The following METAP1 variants were observed in gnomAD, a reference collection of about 807,000 sequenced individuals.
METAP1 encodes the protein methionyl aminopeptidase 1, also known as methionine aminopeptidase 1.
Under a neutral mutation model 53.8 loss-of-function variants are expected in METAP1, and 28 were observed. That is an observed-to-expected ratio of 0.52 (90% CI 0.39 to 0.71). The LOEUF (loss-of-function observed/expected upper bound fraction) is 0.71, where lower values mean the gene tolerates loss of function less well. Ranked by LOEUF, METAP1 falls within the 30% of genes least tolerant of loss-of-function variation. The probability of loss-of-function intolerance (pLI) is 0.00; values close to 1 mark genes in which losing one functional copy is unlikely to be tolerated. For missense variants in METAP1, 389 were observed against 479.8 expected, an observed-to-expected ratio of 0.81 and a Z score of 1.77; for synonymous variants, 181 against 165.7, an observed-to-expected ratio of 1.09 and a Z score of -0.71.
At chr4:99,024,552 G>A (rs868777534) in intron 1 of METAP1, among the ~76,000 whole-genome samples, 6 of 152,150 alleles carry the variant, frequency 3.9e-5, no homozygotes, top group African/African-American at 1.4e-4. Context: ...GGGGCCACAA[G>A]ACCACATGAG....
At chr4:99,002,084 G>A (rs958719086) in intron 1 of METAP1, among the ~76,000 whole-genome samples, 1 of 152,206 alleles carries the variant, frequency 6.6e-6, no homozygotes, top group Non-Finnish European at 1.5e-5. Context: ...TCAAGTTTTA[G>A]TCATGGTTTT....
chr4:99,048,630 A>G (rs1051075359), intron 8 of METAP1, 103 bp from the exon 9 acceptor site: 1 of 1,278,086 alleles, frequency 7.8e-7, no homozygotes, highest in African/African-American at 1.5e-5. Flanking sequence ...TTGACCTCTC[A>G]AAGTGCTGGG....
At chr4:99,053,224 T>C (rs1374691406) in intron 9 of METAP1, among the ~76,000 whole-genome samples, 2 of 152,178 alleles carry the variant, frequency 1.3e-5, no homozygotes, top group African/African-American at 2.4e-5. Context: ...TTTCCTCCCA[T>C]GAATCACAAT....
At position 99,061,981 on chromosome 4, in the gene METAP1, TAA is replaced by T. The variant is rs1238732973; in HGVS notation, c.*667_*668del. The T allele has an allele frequency of 1.3e-5, 2 of 152,224 alleles. No homozygotes were observed. The highest frequency in any genetic ancestry group is 2.9e-5 in the Non-Finnish European group (2 of 68,040). The allele number at this position is 152,224 out of a possible 1,614,324, so 9.4% of individuals were successfully genotyped here. On this transcript the variant is annotated 3_prime_UTR_variant, in exon 11 of 11. Coordinates refer to ENST00000296411, the MANE Select transcript of METAP1 (RefSeq NM_015143.3). ...TCTGTGTGTCAGTGAATGAATGTAG[TAA>T]AATTCACTTTGGAAGGTTATCAGGC...
chr4:99,034,142 G>A (rs1725262528), intron 2 of METAP1, 88 bp from the exon 3 acceptor site: 1 of 787,248 alleles, frequency 1.3e-6, no homozygotes, highest in Non-Finnish European at 2.1e-6. Context: ...GATATTCAAA[G>A]TATGCTGCTG....
At chr4:99,031,686 C>T in intron 2 of METAP1, 1 of 907,440 alleles carries the variant, frequency 1.1e-6, no homozygotes, top group Non-Finnish European at 1.6e-6. Context: ...AACTAATAAT[C>T]ATCTCTGGAA....
intron 9 of METAP1, among the ~76,000 whole-genome samples, chr4:99,056,238 G>A (rs949305520): frequency 6.6e-6 from 1 of 152,198 alleles, no homozygotes; most frequent in Non-Finnish European, 1.5e-5. Context: ...CTGGTGGTCA[G>A]GTTGGGCATT....
At chr4:99,049,136 G>A (rs898574355) in intron 9 of METAP1, among the ~76,000 whole-genome samples, 4 of 152,170 alleles carry the variant, frequency 2.6e-5, no homozygotes, top group African/African-American at 9.7e-5. Context: ...TTGACCTATG[G>A]CTTTCAAAGT....
chr4:99,036,963 A>G (rs1231943643), intron 4 of METAP1, among the ~76,000 whole-genome samples: 1 of 151,990 alleles, frequency 6.6e-6, no homozygotes, highest in Non-Finnish European at 1.5e-5. Context: ...CTTTTCTGCT[A>G]TATTTTTCGC....
chr4:99,039,556 A>G, intron 5 of METAP1, 91 bp downstream of exon 5: 2 of 756,922 alleles, frequency 2.6e-6, no homozygotes, highest in Non-Finnish European at 4.4e-6. Context: ...AAGATAGCAA[A>G]TGTTATATTG....
intron 9 of METAP1, among the ~76,000 whole-genome samples, chr4:99,055,358 T>G (rs1727026490): frequency 7.0e-6 from 1 of 143,266 alleles, no homozygotes; most frequent in Non-Finnish European, 1.5e-5. Context: ...GCCACTGCAC[T>G]CCAGCCTGGA....
At chr4:98,997,626 A>G (rs1411493197) in intron 1 of METAP1, among the ~76,000 whole-genome samples, 1 of 152,238 alleles carries the variant, frequency 6.6e-6, no homozygotes, top group Non-Finnish European at 1.5e-5. Context: ...TTAAAAAGGT[A>G]GTGTGAAACC....
intron 1 of METAP1, chr4:99,023,925 T>C (rs974189684): frequency 5.5e-6 from 2 of 360,832 alleles, no homozygotes; most frequent in Non-Finnish European, 7.7e-6. Context: ...GTTTTATTAC[T>C]CAAATCAGTC....
chr4:99,004,760 A>T (rs1023401942), intron 1 of METAP1, among the ~76,000 whole-genome samples: 1 of 152,200 alleles, frequency 6.6e-6, no homozygotes, highest in Non-Finnish European at 1.5e-5. Flanking sequence ...TTTTTTTACC[A>T]ACAAAATGAT....
At chr4:99,030,460 CTT>C in intron 2 of METAP1, among the ~76,000 whole-genome samples, 1 of 152,094 alleles carries the variant, frequency 6.6e-6, no homozygotes, top group East Asian at 1.9e-4. Flanking sequence ...TTTGGGATAA[CTT>C]TTTTCAGTGG....
At chr4:99,019,533 T>C (rs184958257) in intron 1 of METAP1, among the ~76,000 whole-genome samples, 2 of 152,296 alleles carry the variant, frequency 1.3e-5, no homozygotes, top group East Asian at 3.9e-4. Flanking sequence ...CTCCACCCTT[T>C]ATGACATATG....
chr4:99,022,862 T>C, intron 1 of METAP1: 1 of 1,546,766 alleles, frequency 6.5e-7, no homozygotes. Context: ...CCACGGCTGC[T>C]GCTGCCTTCT....
chr4:99,004,047 A>T lies in METAP1; in HGVS notation c.114+8180A>T, dbSNP rs932716292. ...TGGTTAATTTGCTAGAGCAGCTCACAGAACTCAGGAAAATACTTATTTTAC... is the reference window on the plus strand; with the variant it reads ...TGGTTAATTTGCTAGAGCAGCTCACTGAACTCAGGAAAATACTTATTTTAC... On this transcript the variant is annotated intron_variant, in intron 1 of 10. Transcript: ENST00000296411. 2.6e-5 allele frequency among the ~76,000 whole-genome samples: 4 copies of T among 152,338 alleles called. No individual in the cohort carries two copies. The South Asian group carries it at 8.3e-4, about 32-fold the overall frequency.
intron 7 of METAP1, among the ~76,000 whole-genome samples, chr4:99,044,708 T>G (rs1475267742): frequency 1.3e-5 from 2 of 152,122 alleles, no homozygotes; most frequent in Non-Finnish European, 2.9e-5. Context: ...AGAATGAATA[T>G]TCACAAATAA....
Sources: allele counts gnomAD v4.1 joint callset (sites outside exome capture counted in the v4.1 genomes callset), GRCh38; gene constraint gnomAD v4.1.1; transcripts MANE v1.5; gene names NCBI Gene and HGNC (gene_info 2026-07-23, HGNC 2026-07-21).